The following CACNB2 variants were observed in gnomAD, a reference collection of about 807,000 sequenced individuals.
The protein encoded by CACNB2 is calcium voltage-gated channel auxiliary subunit beta 2, also known as voltage-dependent L-type calcium channel subunit beta-2.
A neutral mutation model predicts 73.3 loss-of-function variants in CACNB2; 42 were observed. That is an observed-to-expected ratio of 0.57 (90% CI 0.45 to 0.74). The LOEUF (loss-of-function observed/expected upper bound fraction) is 0.74. Among genes scored for constraint, CACNB2 ranks in the 30% least tolerant of loss-of-function variants. The pLI is 0.00. For synonymous variants in CACNB2, 348 were observed against 310.3 expected, an observed-to-expected ratio of 1.12 and a Z score of -1.28; for missense variants, 940 against 853.0, an observed-to-expected ratio of 1.10 and a Z score of -1.27.
intron 2 of CACNB2, among the ~76,000 whole-genome samples, chr10:18,298,055 C>G (rs746716813): frequency 2.0e-5 from 3 of 152,152 alleles, no homozygotes; most frequent in African/African-American, 4.8e-5. Context: ...CGAGACAGTG[C>G]AGGAAAAATA....
intron 3 of CACNB2, among the ~76,000 whole-genome samples, chr10:18,442,277 G>A (rs1374548476): frequency 2.0e-5 from 3 of 151,918 alleles, no homozygotes; most frequent in African/African-American, 7.2e-5. Context: ...AGCCTCATGG[G>A]TACCTGGGAT....
chr10:18,452,023 T>C (rs1198092694), intron 3 of CACNB2, among the ~76,000 whole-genome samples: 2 of 152,242 alleles, frequency 1.3e-5, no homozygotes, highest in African/African-American at 4.8e-5. Flanking sequence ...CACACTCATA[T>C]ACCTGTCTCT....
intron 2 of CACNB2, among the ~76,000 whole-genome samples, chr10:18,302,197 C>T (rs2039548964): frequency 6.6e-6 from 1 of 151,836 alleles, no homozygotes; most frequent in Non-Finnish European, 1.5e-5. Context: ...GTAGAACAGA[C>T]TTTGAGATAT....
At chr10:18,287,133 G>A (rs765542589) in intron 2 of CACNB2, among the ~76,000 whole-genome samples, 10 of 149,842 alleles carry the variant, frequency 6.7e-5, no homozygotes, top group African/African-American at 9.9e-5. Flanking sequence ...GTTCAAGACC[G>A]GCCTAGCCAA....
chr10:18,229,105 A>G (rs149177993), intron 2 of CACNB2, among the ~76,000 whole-genome samples: 2 of 152,342 alleles, frequency 1.3e-5, no homozygotes, highest in African/African-American at 2.4e-5. Flanking sequence ...CACAAGCAAG[A>G]TAAACTATCT....
chr10:18,347,638 C>T (rs563233517), intron 2 of CACNB2, among the ~76,000 whole-genome samples: 27 of 152,000 alleles, frequency 1.8e-4, no homozygotes, highest in Non-Finnish European at 3.4e-4. Flanking sequence ...AAAGCCTATA[C>T]AGGTAATGCA....
intron 2 of CACNB2, among the ~76,000 whole-genome samples, chr10:18,241,360 T>G (rs914986182): frequency 6.6e-6 from 1 of 152,196 alleles, no homozygotes; most frequent in African/African-American, 2.4e-5. Flanking sequence ...TGCTTGCTTT[T>G]GTGCTTTTGA....
chr10:18,515,395 C>T (rs973386755), intron 7 of CACNB2, among the ~76,000 whole-genome samples: 24 of 152,298 alleles, frequency 1.6e-4, no homozygotes, highest in African/African-American at 5.3e-4. Flanking sequence ...ATACTAATGT[C>T]GCCAAGTCTG....
At chr10:18,339,478 G>A (rs539720631) in intron 2 of CACNB2, among the ~76,000 whole-genome samples, 6 of 152,164 alleles carry the variant, frequency 3.9e-5, no homozygotes, top group South Asian at 4.1e-4. Flanking sequence ...CCGAGATCGC[G>A]CCACTGCACT....
At chr10:18,435,794 C>G (rs2046104067) in intron 3 of CACNB2, among the ~76,000 whole-genome samples, 3 of 152,248 alleles carry the variant, frequency 2.0e-5, no homozygotes, top group African/African-American at 7.2e-5. Flanking sequence ...GCCACTCCAC[C>G]TGCCCCCCAA....
chr10:18,167,732 G>C (rs943770094), intron 2 of CACNB2, among the ~76,000 whole-genome samples: 21 of 152,130 alleles, frequency 1.4e-4, no homozygotes, highest in African/African-American at 4.6e-4. Flanking sequence ...GTAGCCGTTG[G>C]GGGGAGAAGT....
At chr10:18,187,537 T>C (rs903977878) in intron 2 of CACNB2, among the ~76,000 whole-genome samples, 1 of 152,192 alleles carries the variant, frequency 6.6e-6, no homozygotes, top group African/African-American at 2.4e-5. Context: ...AGGATTCTTT[T>C]TAGGAAAACA....
At chr10:18,251,639 T>C (rs1356535595) in intron 2 of CACNB2, among the ~76,000 whole-genome samples, 1 of 152,210 alleles carries the variant, frequency 6.6e-6, no homozygotes, top group South Asian at 2.1e-4. Context: ...GGGTAACTTA[T>C]GAAGAAAAGA....
rs1181272761 is a variant in CACNB2 at position 18,248,821 on chromosome 10, G to T, written c.213+97846G>T. Among the ~76,000 whole-genome samples, 7 of 152,018 alleles carry T rather than the reference G, an allele frequency of 4.6e-5. No homozygotes were observed. In the East Asian group the frequency reaches 1.2e-3, roughly 25 times the overall value. ...TGGAGACAGACTTTCTCAACTCTCT[G>T]TTCCTCTCTCCCTCTGTCTTATTTT... On this transcript the variant is annotated intron_variant, in intron 2 of 13. Transcript: ENST00000324631.
At chr10:18,190,203 C>CA (rs1340826819) in intron 2 of CACNB2, among the ~76,000 whole-genome samples, 1 of 152,184 alleles carries the variant, frequency 6.6e-6, no homozygotes, top group Non-Finnish European at 1.5e-5. Context: ...GACATGCTCT[C>CA]TGGGATTTGC....
Position 18,140,631 on chromosome 10 carries a change from C to T in CACNB2, c.-106C>T. On this transcript the variant is annotated 5_prime_UTR_variant, in exon 1 of 14. Transcript: ENST00000324631. ...TGCGCCGAGAACGGCCGGGCCTGAG[C>T]CCTGGGCGGCCCCCAGAGCCGATCA... 1.7e-5 allele frequency: 17 copies of T among 979,950 alleles called. No homozygotes were observed. The highest frequency in any genetic ancestry group is 2.0e-5 in the Non-Finnish European group (13 of 652,010). The allele number at this position is 979,950 out of a possible 1,614,324, so 60.7% of individuals were successfully genotyped here.
intron 3 of CACNB2, among the ~76,000 whole-genome samples, chr10:18,458,742 G>A (rs1385752509): frequency 2.0e-5 from 3 of 149,456 alleles, no homozygotes; most frequent in African/African-American, 2.5e-5. Context: ...ACTATTAACA[G>A]TAGGAAAAAA....
intron 2 of CACNB2, among the ~76,000 whole-genome samples, chr10:18,193,672 C>T (rs2034502713): frequency 6.6e-6 from 1 of 152,136 alleles, no homozygotes; most frequent in African/African-American, 2.4e-5. Flanking sequence ...AGCCCTCTCT[C>T]CTTGAAGATG....
intron 2 of CACNB2, among the ~76,000 whole-genome samples, chr10:18,194,002 T>C (rs1241537800): frequency 6.6e-6 from 1 of 152,148 alleles, no homozygotes; most frequent in Non-Finnish European, 1.5e-5. Context: ...AGAAAGCTTC[T>C]GGAGTATTGG....
Sources: gnomAD v4.1 joint callset for allele counts (sites outside exome capture counted in the v4.1 genomes callset) on GRCh38, gnomAD v4.1.1 for gene constraint, MANE v1.5 for transcripts, NCBI Gene and HGNC (gene_info 2026-07-23, HGNC 2026-07-21) for gene names.